ZMYND8: variants seen among roughly 807,000 people sequenced by gnomAD.
ZMYND8 encodes the protein MYND-type zinc finger-containing chromatin reader ZMYND8.
ZMYND8 carries 37 observed loss-of-function variants against 140.8 expected under a neutral mutation model. The ratio of observed to expected loss-of-function variants is 0.26; its 90% CI spans 0.20 to 0.35. ZMYND8 has a LOEUF of 0.35. Ranked by LOEUF, ZMYND8 falls within the 10% of genes least tolerant of loss-of-function variation. The pLI is 1.00. For synonymous variants in ZMYND8, 592 were observed against 597.1 expected, an observed-to-expected ratio of 0.99 and a Z score of 0.12; for missense variants, 1,068 against 1,570.0, an observed-to-expected ratio of 0.68 and a Z score of 5.40.
chr20:47,274,170 A>T, intron 11 of ZMYND8, among the ~76,000 whole-genome samples: 1 of 152,232 alleles, frequency 6.6e-6, no homozygotes, highest in East Asian at 1.9e-4. Flanking sequence ...CCCTGTTCTT[A>T]TATTCCTATA....
chr20:47,345,089 A>G (rs932822341), intron 2 of ZMYND8, among the ~76,000 whole-genome samples: 1 of 152,216 alleles, frequency 6.6e-6, no homozygotes, highest in Non-Finnish European at 1.5e-5. Context: ...GATCAAGGAT[A>G]CAGTGAGCTA....
At chr20:47,299,572 T>TTTTTC (rs1465740132) in intron 3 of ZMYND8, among the ~76,000 whole-genome samples, 4 of 152,142 alleles carry the variant, frequency 2.6e-5, no homozygotes, top group African/African-American at 9.7e-5. Context: ...ACCTAATTTT[T>TTTTTC]TTTTTCTTTT....
chr20:47,326,297 T>A (rs2080409415), intron 2 of ZMYND8, among the ~76,000 whole-genome samples: 1 of 152,134 alleles, frequency 6.6e-6, no homozygotes, highest in South Asian at 2.1e-4. Context: ...AGATGGGGTT[T>A]CACCACGTTG....
At chr20:47,293,184 G>GAGGC (rs71183241) in intron 5 of ZMYND8, among the ~76,000 whole-genome samples, 2 of 23,480 alleles carry the variant, frequency 8.5e-5, no homozygotes, top group Non-Finnish European at 1.5e-4. Flanking sequence ...GGGAGGGAGG[G>GAGGC]AGGCAGGCAG....
At chr20:47,232,707 G>C (rs1008013483) in intron 16 of ZMYND8, among the ~76,000 whole-genome samples, 2 of 152,152 alleles carry the variant, frequency 1.3e-5, no homozygotes, top group African/African-American at 4.8e-5. Flanking sequence ...AAGGGAAGGT[G>C]ATGTAAGGAC....
intron 12 of ZMYND8, among the ~76,000 whole-genome samples, chr20:47,252,649 C>G (rs1365539136): frequency 1.3e-5 from 2 of 152,182 alleles, no homozygotes; most frequent in Non-Finnish European, 2.9e-5. Context: ...GGACCGGGAA[C>G]AGTGGCTCAC....
At chr20:47,254,329 C>T (rs974528828) in intron 12 of ZMYND8, among the ~76,000 whole-genome samples, 1 of 152,336 alleles carries the variant, frequency 6.6e-6, no homozygotes, top group East Asian at 1.9e-4. Context: ...CTCAAAATGT[C>T]GCCGCATGTG....
At chr20:47,321,061 C>T (rs1346119218) in intron 2 of ZMYND8, among the ~76,000 whole-genome samples, 1 of 152,186 alleles carries the variant, frequency 6.6e-6, no homozygotes, top group African/African-American at 2.4e-5. Flanking sequence ...ACCCAGGAAA[C>T]CCAGTAAACG....
chr20:47,306,792 A>G (rs1290148831), intron 3 of ZMYND8, among the ~76,000 whole-genome samples: 4 of 152,180 alleles, frequency 2.6e-5, no homozygotes, highest in African/African-American at 9.6e-5. Context: ...AAGAGAAACT[A>G]AAGTGAAGAA....
intron 11 of ZMYND8, 79 bp from the exon 12 acceptor site, chr20:47,262,507 T>A (rs986411281): frequency 6.4e-7 from 1 of 1,563,594 alleles, no homozygotes; most frequent in African/African-American, 1.4e-5. Context: ...AGGGAGAGAA[T>A]GGAGAGATTA....
chr20:47,211,180 G>C (rs1271856436), intron 22 of ZMYND8, among the ~76,000 whole-genome samples: 1 of 152,224 alleles, frequency 6.6e-6, no homozygotes, highest in Non-Finnish European at 1.5e-5. Flanking sequence ...TGCCAAGGAA[G>C]GCATTTCTTG....
chr20:47,290,811 G>A (rs1227845395), intron 6 of ZMYND8, among the ~76,000 whole-genome samples: 1 of 151,800 alleles, frequency 6.6e-6, no homozygotes. Flanking sequence ...GGCTGGTCTC[G>A]AACTCCTGAC....
At chr20:47,346,033 A>G (rs1461036901) in intron 2 of ZMYND8, among the ~76,000 whole-genome samples, 1 of 152,148 alleles carries the variant, frequency 6.6e-6, no homozygotes, top group Non-Finnish European at 1.5e-5. Flanking sequence ...AGAAAGAGAC[A>G]ATGGTCACTC....
chr20:47,334,048 A>G (rs1319577022), intron 2 of ZMYND8, among the ~76,000 whole-genome samples: 1 of 152,240 alleles, frequency 6.6e-6, no homozygotes, highest in Non-Finnish European at 1.5e-5. Flanking sequence ...TGTGCTCAGA[A>G]CACTTAGAGT....
chr20:47,313,071 A>G (rs777000235), intron 2 of ZMYND8, among the ~76,000 whole-genome samples: 4 of 152,008 alleles, frequency 2.6e-5, no homozygotes, highest in Non-Finnish European at 4.4e-5. Context: ...CTAAGAATAC[A>G]TTACAGTCAC....
intron 12 of ZMYND8, among the ~76,000 whole-genome samples, chr20:47,256,858 G>A (rs1448810292): frequency 1.3e-5 from 2 of 152,114 alleles, no homozygotes; most frequent in Admixed American, 1.3e-4. Flanking sequence ...GTGTGACGAC[G>A]TTCCCTGGCC....
At chr20:47,214,084 G>C (rs149286165) in intron 21 of ZMYND8, among the ~76,000 whole-genome samples, 1 of 152,284 alleles carries the variant, frequency 6.6e-6, no homozygotes, top group East Asian at 1.9e-4. Flanking sequence ...TACTGTCCTA[G>C]TACCTGATGC....
At chr20:47,283,669 A>G (rs769424830) in intron 8 of ZMYND8, 21 bp from the exon 9 acceptor site, 1 of 1,610,780 alleles carries the variant, frequency 6.2e-7, no homozygotes, top group East Asian at 2.2e-5. Context: ...AAAATACATT[A>G]GAATGTGTCA....
At chr20:47,321,576 G>A (rs2079955295) in intron 2 of ZMYND8, among the ~76,000 whole-genome samples, 1 of 152,234 alleles carries the variant, frequency 6.6e-6, no homozygotes, top group South Asian at 2.1e-4. Flanking sequence ...ACCACCCACA[G>A]AGGTGCATGT....
Sources: gnomAD v4.1 joint callset for allele counts (sites outside exome capture counted in the v4.1 genomes callset) on GRCh38, gnomAD v4.1.1 for gene constraint, MANE v1.5 for transcripts, NCBI Gene and HGNC (gene_info 2026-07-23, HGNC 2026-07-21) for gene names.